The following GRM3 variants were observed in gnomAD, a reference collection of about 807,000 sequenced individuals.
The protein encoded by GRM3 is metabotropic glutamate receptor 3.
A neutral mutation model predicts 70.5 loss-of-function variants in GRM3; 26 were observed. That is an observed-to-expected ratio of 0.37 (90% confidence interval 0.27 to 0.51). The LOEUF is 0.51. GRM3 is among the 20% of genes least tolerant of loss of function. The pLI is 0.93. For synonymous variants in GRM3, 443 were observed against 434.9 expected, an observed-to-expected ratio of 1.02 and a Z score of -0.23; for missense variants, 859 against 1,123.8, an observed-to-expected ratio of 0.76 and a Z score of 3.37.
chr7:86,858,635 A>C (rs1321105743), intron 5 of GRM3, among the ~76,000 whole-genome samples: 1 of 152,212 alleles, frequency 6.6e-6, no homozygotes, highest in African/African-American at 2.4e-5. Context: ...ATTCTTTATA[A>C]ATTACCTAGT....
At chr7:86,698,520 T>TTATATATATATATATATATATATATATA (rs570784350) in intron 1 of GRM3, among the ~76,000 whole-genome samples, 4 of 142,156 alleles carry the variant, frequency 2.8e-5, no homozygotes, top group African/African-American at 1.1e-4. Flanking sequence ...TAAAAAGTAT[T>TTATATATATATATATATATATATATATA]TATATATATA....
At chr7:86,733,146 C>CTACTAAAAA (rs1795776600) in intron 1 of GRM3, among the ~76,000 whole-genome samples, 1 of 151,808 alleles carries the variant, frequency 6.6e-6, no homozygotes, top group Non-Finnish European at 1.5e-5. Context: ...AACCCCATCT[C>CTACTAAAAA]TACTAAAAAT....
chr7:86,825,856 G>C (rs1254994942), intron 3 of GRM3, among the ~76,000 whole-genome samples: 1 of 152,144 alleles, frequency 6.6e-6, no homozygotes, highest in Non-Finnish European at 1.5e-5. Context: ...AGTTTGCACG[G>C]TTGGCTTCTG....
chr7:86,723,878 G>C (rs1006305498), intron 1 of GRM3, among the ~76,000 whole-genome samples: 11 of 152,246 alleles, frequency 7.2e-5, no homozygotes, highest in Middle Eastern at 3.4e-3. Flanking sequence ...AACCCTCCTG[G>C]CTGAAGCACA....
rs377249089 is a variant in GRM3 at position 86,817,491 on chromosome 7, GT to G, written c.1325-21344del. ...AGTTACATCCTATATAGGGTACTCT[GT>G]TTTGTTGTCCATTATTTTTTAAATG... On this transcript the variant is annotated intron_variant, in intron 3 of 5. Coordinates refer to ENST00000361669, the MANE Select transcript of GRM3 (RefSeq NM_000840.3). 1.3e-3 allele frequency among the ~76,000 whole-genome samples: 193 copies of G among 151,940 alleles called. 1 individual carries two copies. Among genetic ancestry groups the G allele is most frequent in the African/African-American group, 4.5e-3 (188 of 41,466 alleles).
chr7:86,713,881 T>C (rs1005467305), intron 1 of GRM3, among the ~76,000 whole-genome samples: 1 of 152,002 alleles, frequency 6.6e-6, no homozygotes, highest in African/African-American at 2.4e-5. Context: ...CAAGGGCCCC[T>C]ACTACTGGGT....
At chr7:86,847,665 G>C (rs1798680583) in intron 4 of GRM3, among the ~76,000 whole-genome samples, 1 of 152,126 alleles carries the variant, frequency 6.6e-6, no homozygotes, top group Admixed American at 6.5e-5. Flanking sequence ...CTGAGGGAAA[G>C]ATGTGTCCAG....
chr7:86,838,751 T>G, intron 3 of GRM3, 88 bp from the exon 4 acceptor site: 1 of 686,126 alleles, frequency 1.5e-6, no homozygotes, highest in Non-Finnish European at 2.4e-6. Context: ...TTCCTGTTAT[T>G]TCAGTGTATG....
intron 3 of GRM3, among the ~76,000 whole-genome samples, chr7:86,813,381 C>T (rs926360595): frequency 1.3e-4 from 20 of 151,770 alleles, no homozygotes; most frequent in African/African-American, 4.8e-4. Context: ...TGTTTAGAGT[C>T]CAGTCAAGTT....
chr7:86,761,699 A>G (rs1796483732), intron 1 of GRM3, among the ~76,000 whole-genome samples: 1 of 152,166 alleles, frequency 6.6e-6, no homozygotes, highest in African/African-American at 2.4e-5. Context: ...AGGTAAACTG[A>G]TAGACACTGT....
At chr7:86,715,640 T>C (rs879521853) in intron 1 of GRM3, among the ~76,000 whole-genome samples, 2 of 152,032 alleles carry the variant, frequency 1.3e-5, no homozygotes, top group African/African-American at 4.8e-5. Flanking sequence ...AATGAATTAA[T>C]GAATTATTTG....
chr7:86,673,794 T>A (rs1251673067), intron 1 of GRM3, among the ~76,000 whole-genome samples: 1 of 152,116 alleles, frequency 6.6e-6, no homozygotes, highest in Admixed American at 6.6e-5. Context: ...CTTACCCTGG[T>A]TGCCCAAGCC....
intron 1 of GRM3, among the ~76,000 whole-genome samples, chr7:86,681,132 C>G (rs567443069): frequency 6.6e-6 from 1 of 152,106 alleles, no homozygotes; most frequent in Non-Finnish European, 1.5e-5. Flanking sequence ...TGTCTACTAT[C>G]ACTCCTTTTA....
At chr7:86,817,886 C>A (rs1299267533) in intron 3 of GRM3, among the ~76,000 whole-genome samples, 1 of 152,034 alleles carries the variant, frequency 6.6e-6, no homozygotes, top group Non-Finnish European at 1.5e-5. Context: ...ACAAAAGCAA[C>A]TACCTGAGGT....
chr7:86,825,608 TAGAA>T (rs1268640425), intron 3 of GRM3, among the ~76,000 whole-genome samples: 3 of 152,182 alleles, frequency 2.0e-5, no homozygotes, highest in African/African-American at 2.4e-5. Context: ...AACAACAAAA[TAGAA>T]ATTAATTTGC....
chr7:86,723,383 A>C (rs1461250387), intron 1 of GRM3, among the ~76,000 whole-genome samples: 1 of 152,156 alleles, frequency 6.6e-6, no homozygotes, highest in African/African-American at 2.4e-5. Context: ...AATATTATAC[A>C]TAATGGTGAC....
At chr7:86,840,640 C>T (rs1019307163) in intron 4 of GRM3, among the ~76,000 whole-genome samples, 5 of 151,934 alleles carry the variant, frequency 3.3e-5, no homozygotes, top group African/African-American at 4.8e-5. Context: ...TGTTAAAATG[C>T]TACATAAAAT....
chr7:86,800,130 G>A (rs1797648742), intron 3 of GRM3, among the ~76,000 whole-genome samples: 1 of 152,136 alleles, frequency 6.6e-6, no homozygotes, highest in South Asian at 2.1e-4. Flanking sequence ...TCTCTGGGAT[G>A]TAGCTACAGC....
chr7:86,688,830 A>G (rs1794629720), intron 1 of GRM3, among the ~76,000 whole-genome samples: 1 of 148,500 alleles, frequency 6.7e-6, no homozygotes, highest in Non-Finnish European at 1.5e-5. Flanking sequence ...ATATATATAT[A>G]TATGTGTTGA....
Sources: gnomAD v4.1 joint callset for allele counts (sites outside exome capture counted in the v4.1 genomes callset) on GRCh38, gnomAD v4.1.1 for gene constraint, MANE v1.5 for transcripts, NCBI Gene and HGNC (gene_info 2026-07-23, HGNC 2026-07-21) for gene names.